SFMBT2: variants seen among roughly 807,000 people sequenced by gnomAD.
The protein encoded by SFMBT2 is scm-like with four MBT domains protein 2.
Under a neutral mutation model 110.1 loss-of-function variants are expected in SFMBT2, and 38 were observed. The ratio of observed to expected loss-of-function variants is 0.35; its 90% confidence interval spans 0.27 to 0.45. SFMBT2 has a LOEUF of 0.45. Among genes scored for constraint, SFMBT2 ranks in the 20% least tolerant of loss-of-function variants. SFMBT2 has a pLI of 1.00. For synonymous variants in SFMBT2, 425 were observed against 425.4 expected (o/e 1.00, Z 0.01); for missense variants, 1,011 against 1,094.9 (o/e 0.92, Z 1.08).
chr10:7,268,739 G>GAC (rs1200624120), intron 7 of SFMBT2, among the ~76,000 whole-genome samples: 1 of 152,196 alleles, frequency 6.6e-6, no homozygotes, highest in Non-Finnish European at 1.5e-5. Context: ...TCAAACTCCT[G>GAC]ACCTCAGGTG....
intron 16 of SFMBT2, among the ~76,000 whole-genome samples, chr10:7,182,982 G>A (rs913112045): frequency 2.0e-5 from 3 of 152,004 alleles, no homozygotes; most frequent in African/African-American, 4.8e-5. Flanking sequence ...TACACGGCCC[G>A]GCAAGGCTCT....
intron 16 of SFMBT2, 180 bp from the exon 17 acceptor site, chr10:7,176,345 G>A (rs1838054283): frequency 3.5e-6 from 2 of 569,646 alleles, no homozygotes; most frequent in East Asian, 1.4e-4. Flanking sequence ...GCTCACTAGT[G>A]TGCAACAAAT....
intron 4 of SFMBT2, among the ~76,000 whole-genome samples, chr10:7,351,938 C>T (rs1385463128): frequency 2.0e-5 from 3 of 151,690 alleles, no homozygotes; most frequent in East Asian, 1.9e-4. Context: ...TTACAGAGAG[C>T]GTTTGCCATC....
Position 7,297,909 on chromosome 10 carries a change from C to T in SFMBT2, c.437-11955G>A, listed in dbSNP as rs115805890. On this transcript the variant is annotated intron_variant, in intron 4 of 20. Coordinates refer to ENST00000397167, the MANE Select transcript of SFMBT2 (RefSeq NM_001387889.1). Reference sequence around the variant, plus strand: ...TCCGTGTCTGCCTCCCACGCCCTCCCTGTTATCAGCACCCCCACCACCTCC... The same window carrying T: ...TCCGTGTCTGCCTCCCACGCCCTCCTTGTTATCAGCACCCCCACCACCTCC... 2.6e-3 allele frequency among the ~76,000 whole-genome samples: 401 copies of T among 152,332 alleles called. 3 individuals carry two copies. Among genetic ancestry groups the T allele is most frequent in the African/African-American group, 9.1e-3 (380 of 41,570 alleles).
intron 2 of SFMBT2, among the ~76,000 whole-genome samples, chr10:7,370,577 G>A (rs553062379): frequency 6.6e-5 from 10 of 152,270 alleles, no homozygotes; most frequent in African/African-American, 1.9e-4. Flanking sequence ...GGGACATTCC[G>A]CTTTGACTGC....
rs1016549472 is a variant in SFMBT2, at chr10:7,200,623, G to A, written c.1488-139C>T. The A allele has an allele frequency of 1.9e-5, 11 of 592,118 alleles. No individual in the cohort carries two copies. The Admixed American group carries it at 2.4e-4, about 13-fold the overall frequency. 36.7% of individuals were successfully genotyped at this position (592,118 alleles called of 1,614,324 possible). A position where few individuals can be genotyped will look rare whatever the true frequency, so the allele number is the denominator to read the frequency against. On this transcript the variant is annotated intron_variant, in intron 13 of 20. Transcript: ENST00000397167. ...ACCATAGAATAGAATGTGTGTATGG[G>A]AGCAATGCCAGTAAGACCAGATGAA...
At position 7,367,758 on chromosome 10, in the gene SFMBT2, G is replaced by A. The variant is rs574149009; in HGVS notation, c.327C>T (p.Cys109=). 143 of 1,614,114 alleles carry A rather than the reference G, an allele frequency of 8.9e-5. No homozygotes were observed. The South Asian group carries it at 1.3e-3, about 15-fold the overall frequency. ...TCGQLLLLRY[C]GYGEDRRADF... is the part of the protein sequence containing the mutation. Reference sequence around the variant, plus strand: ...CGGCCCTGCGGTCCTCCCCGTAACCGCAGTAGCGCAGAAGCAGCAGCTGCC... The same window carrying A: ...CGGCCCTGCGGTCCTCCCCGTAACCACAGTAGCGCAGAAGCAGCAGCTGCC... The change falls in exon 4 of 21, where the codon TGC becomes TGT. Residue 109 remains cysteine, a synonymous_variant. Transcript: ENST00000397167. The surrounding 1 kb of genome is among the most constrained non-coding windows in gnomAD (Gnocchi z 6.2).
rs1288091832 is a variant in SFMBT2, at chr10:7,176,493, G to A, written c.1809-328C>T. ...ACCTGATGGGCATGGCTCTCGAAAT[G>A]AGGTTAGTGAAATCGAATGGGTATT... On this transcript the variant is annotated intron_variant, in intron 16 of 20. Coordinates refer to ENST00000397167, the MANE Select transcript of SFMBT2 (RefSeq NM_001387889.1). 3.0e-6 allele frequency: 3 copies of A among 985,256 alleles called. No homozygotes were observed. In the African/African-American group the frequency reaches 5.2e-5, roughly 17 times the overall value. 61.0% of individuals were successfully genotyped at this position (985,256 alleles called of 1,614,324 possible).
intron 7 of SFMBT2, among the ~76,000 whole-genome samples, chr10:7,250,332 A>G (rs1330091654): frequency 6.6e-6 from 1 of 152,190 alleles, no homozygotes; most frequent in Non-Finnish European, 1.5e-5. Context: ...AAGCGAGAAC[A>G]TGAGGTATTT....
intron 4 of SFMBT2, among the ~76,000 whole-genome samples, chr10:7,319,129 T>C (rs566436686): frequency 2.6e-5 from 4 of 152,088 alleles, no homozygotes; most frequent in African/African-American, 9.7e-5. Flanking sequence ...TTAAACTATG[T>C]CCCTCAGAAC....
At chr10:7,320,232 C>T (rs754875550) in intron 4 of SFMBT2, among the ~76,000 whole-genome samples, 1 of 152,216 alleles carries the variant, frequency 6.6e-6, no homozygotes, top group African/African-American at 2.4e-5. Context: ...TCCCATCAAA[C>T]GAGACGCCTG....
intron 7 of SFMBT2, among the ~76,000 whole-genome samples, chr10:7,255,390 A>G (rs1411033903): frequency 1.3e-5 from 2 of 152,218 alleles, no homozygotes; most frequent in Non-Finnish European, 2.9e-5. Context: ...TCCTTAGTAG[A>G]TTTACAAATA....
intron 16 of SFMBT2, among the ~76,000 whole-genome samples, chr10:7,179,736 G>A (rs1391668502): frequency 1.3e-5 from 2 of 152,244 alleles, no homozygotes; most frequent in Non-Finnish European, 2.9e-5. Flanking sequence ...CACACGCGCT[G>A]CCACATCGGA....
intron 6 of SFMBT2, among the ~76,000 whole-genome samples, chr10:7,280,353 C>T (rs1485093062): frequency 6.6e-6 from 1 of 151,890 alleles, no homozygotes; most frequent in African/African-American, 2.4e-5. Flanking sequence ...TCAGAAACTT[C>T]CTGACTCCAA....
chr10:7,198,081 G>A (rs375913579), intron 14 of SFMBT2: 1 of 985,404 alleles, frequency 1.0e-6, no homozygotes, highest in Non-Finnish European at 1.2e-6. Flanking sequence ...CCACACAAGT[G>A]TGTCAACTTC....
chr10:7,196,827 T>C (rs1838784785), intron 15 of SFMBT2, among the ~76,000 whole-genome samples: 1 of 152,206 alleles, frequency 6.6e-6, no homozygotes, highest in African/African-American at 2.4e-5. Flanking sequence ...GTTTGGAAAC[T>C]ATTCCAAATT....
At chr10:7,259,606 C>G (rs1343503841) in intron 7 of SFMBT2, among the ~76,000 whole-genome samples, 1 of 152,224 alleles carries the variant, frequency 6.6e-6, no homozygotes, top group Admixed American at 6.5e-5. Flanking sequence ...GGCACATGCC[C>G]CTGGCCCCTG....
Position 7,389,813 on chromosome 10 carries a change from T to G in SFMBT2, c.-51-7864A>C, listed in dbSNP as rs77863756. Among the ~76,000 whole-genome samples, 337 of 152,338 alleles carry G rather than the reference T, an allele frequency of 2.2e-3. 1 individual carries two copies. Among genetic ancestry groups the G allele is most frequent in the Non-Finnish European group, 2.9e-3 (197 of 68,026 alleles). On this transcript the variant is annotated intron_variant, in intron 1 of 20. Transcript: ENST00000397167. ...TTTATCAATCCAGGTGTTATTATGATTCATTGTACATTTTCTGCATTCAGA... is the reference window on the plus strand; with the variant it reads ...TTTATCAATCCAGGTGTTATTATGAGTCATTGTACATTTTCTGCATTCAGA...
At chr10:7,174,027 G>A (rs1837971540) in intron 17 of SFMBT2, among the ~76,000 whole-genome samples, 1 of 152,152 alleles carries the variant, frequency 6.6e-6, no homozygotes, top group Admixed American at 6.5e-5. Flanking sequence ...CTCCTCCCCT[G>A]CGTTTGATCA....
Sources: gnomAD v4.1 joint callset for allele counts (sites outside exome capture counted in the v4.1 genomes callset) on GRCh38, gnomAD v4.1.1 for gene constraint, Gnocchi (gnomAD v3.1) non-coding constraint, MANE v1.5 for transcripts, NCBI Gene and HGNC (gene_info 2026-07-23, HGNC 2026-07-21) for gene names.